PTPRZ1: variants seen among roughly 807,000 people sequenced by gnomAD.
PTPRZ1 encodes receptor-type tyrosine-protein phosphatase zeta.
A neutral mutation model predicts 214.1 loss-of-function variants in PTPRZ1; 82 were observed. The observed-to-expected ratio is 0.38, with a 90% confidence interval of 0.32 to 0.46. The LOEUF (loss-of-function observed/expected upper bound fraction) is 0.46. Ranked by LOEUF, PTPRZ1 falls within the 20% of genes least tolerant of loss-of-function variation. The pLI is 1.00. For synonymous variants in PTPRZ1, 945 were observed against 987.9 expected (o/e 0.96, Z 0.81); for missense variants, 2,603 against 2,748.7 (o/e 0.95, Z 1.19).
intron 12 of PTPRZ1, among the ~76,000 whole-genome samples, 172 bp downstream of exon 12, chr7:122,014,061 T>C (rs577111368): frequency 4.6e-5 from 7 of 152,346 alleles, no homozygotes; most frequent in Non-Finnish European, 1.0e-4. Context: ...TATTTATTAT[T>C]TCAAACAATT....
intron 2 of PTPRZ1, among the ~76,000 whole-genome samples, chr7:121,954,011 A>G: frequency 6.6e-6 from 1 of 152,040 alleles, no homozygotes; most frequent in Non-Finnish European, 1.5e-5. Context: ...CTCTGTCTCC[A>G]CCCCACAGCT....
At chr7:122,051,757 G>C (rs532735158) in intron 24 of PTPRZ1, 109 bp from the exon 25 acceptor site, 30 of 1,034,738 alleles carry the variant, frequency 2.9e-5, no homozygotes, top group Non-Finnish European at 4.0e-5. Flanking sequence ...GAAAAATGTA[G>C]CTATATTTTA....
At chr7:121,957,336 G>A (rs117185660) in intron 2 of PTPRZ1, among the ~76,000 whole-genome samples, 1,556 of 152,232 alleles carry the variant, frequency 0.01, 6 homozygotes, top group Non-Finnish European at 0.018. Context: ...GGCGATGGTG[G>A]TGGGATGTAG....
Position 122,010,678 on chromosome 7 carries a change from T to A in PTPRZ1, c.1632T>A (p.Thr544=). Residue 544 remains threonine (T), a synonymous_variant, in exon 12 of 30, where the codon ACT becomes ACA. Coordinates refer to ENST00000393386, the MANE Select transcript of PTPRZ1 (RefSeq NM_002851.3). ...CCTCTTTAAATGATGGCTCTAAAAC[T>A]GTTCTTAGATCTCCACATATGAACT... ...TSASLNDGSK[T]VLRSPHMNLS... 6.2e-7 allele frequency: 1 copy of A among 1,613,630 alleles called. No individual in the cohort carries two copies. Among genetic ancestry groups the A allele is most frequent in the Non-Finnish European group, 8.5e-7 (1 of 1,179,662 alleles).
Position 122,014,717 on chromosome 7 carries a change from C to A in PTPRZ1, c.4843+828C>A, listed in dbSNP as rs545995832. ...CCTCCCAAAATGTTGGGATTACAGG[C>A]GTGAGCCACTGCACCAGGCCAGGGA... On this transcript the variant is annotated intron_variant, in intron 12 of 29. Coordinates refer to ENST00000393386, the MANE Select transcript of PTPRZ1 (RefSeq NM_002851.3). Among the ~76,000 whole-genome samples, 57 of 152,220 alleles carry A rather than the reference C, an allele frequency of 3.7e-4. No individual in the cohort carries two copies. The East Asian group carries it at 8.7e-3, about 23-fold the overall frequency.
chr7:121,894,842 A>G (rs1446286540), intron 1 of PTPRZ1, among the ~76,000 whole-genome samples: 1 of 152,166 alleles, frequency 6.6e-6, no homozygotes, highest in Non-Finnish European at 1.5e-5. Context: ...ATTTGGGGGA[A>G]GGTGTATTAT....
intron 1 of PTPRZ1, among the ~76,000 whole-genome samples, chr7:121,918,679 T>C (rs1389995857): frequency 6.6e-6 from 1 of 152,128 alleles, no homozygotes; most frequent in Non-Finnish European, 1.5e-5. Context: ...ATAGACACTT[T>C]AAATTTTTTG....
intron 10 of PTPRZ1, among the ~76,000 whole-genome samples, chr7:122,002,404 G>A (rs1039497767): frequency 2.0e-5 from 3 of 152,084 alleles, no homozygotes; most frequent in Admixed American, 6.6e-5. Flanking sequence ...AGCCAAGGAG[G>A]CCCAAAGAAA....
chr7:122,033,025 A>G (rs968220926), intron 15 of PTPRZ1, among the ~76,000 whole-genome samples: 2 of 152,112 alleles, frequency 1.3e-5, no homozygotes, highest in African/African-American at 4.8e-5. Context: ...ATTACTGACA[A>G]CATATACAAA....
At chr7:122,018,662 G>A (rs139993049) in intron 12 of PTPRZ1, among the ~76,000 whole-genome samples, 6 of 152,082 alleles carry the variant, frequency 3.9e-5, no homozygotes, top group African/African-American at 9.6e-5. Flanking sequence ...TTTTCTTCAT[G>A]AAATTATTAA....
intron 13 of PTPRZ1, among the ~76,000 whole-genome samples, chr7:122,023,615 TTATA>T (rs981056155): frequency 2.3e-5 from 3 of 131,654 alleles, no homozygotes; most frequent in Non-Finnish European, 4.7e-5. Context: ...TTATATATAA[TTATA>T]TATATTATAT....
intron 2 of PTPRZ1, among the ~76,000 whole-genome samples, chr7:121,943,290 C>A (rs1315891384): frequency 6.6e-6 from 1 of 152,140 alleles, no homozygotes; most frequent in African/African-American, 2.4e-5. Context: ...GTCAAATGAG[C>A]AATCACAATG....
intron 10 of PTPRZ1, among the ~76,000 whole-genome samples, chr7:122,002,283 A>C (rs1280080621): frequency 1.3e-5 from 2 of 152,228 alleles, no homozygotes; most frequent in Non-Finnish European, 2.9e-5. Flanking sequence ...ACCAGAATAA[A>C]GAGCCTTCAA....
chr7:121,881,679 G>A (rs979643902), intron 1 of PTPRZ1, among the ~76,000 whole-genome samples: 1 of 152,130 alleles, frequency 6.6e-6, no homozygotes, highest in Non-Finnish European at 1.5e-5. Flanking sequence ...AGTAACCCTA[G>A]AAGGAGGAGT....
chr7:121,996,440 T>A lies in PTPRZ1; in HGVS notation c.987T>A (p.Leu329=), dbSNP rs1263178239. Residue 329 remains leucine (L), a synonymous_variant, in exon 9 of 30, where the codon CTT becomes CTA. Coordinates refer to ENST00000393386, the MANE Select transcript of PTPRZ1 (RefSeq NM_002851.3). Reference sequence around the variant, plus strand: ...ACCCAGAGAATTATACCAGCCTTCTTGTTACATGGGAAAGACCTCGAGTCG... The same window carrying A: ...ACCCAGAGAATTATACCAGCCTTCTAGTTACATGGGAAAGACCTCGAGTCG... ...QADPENYTSL[L]VTWERPRVVY... is the part of the protein sequence containing the mutation. 6.2e-7 allele frequency: 1 copy of A among 1,613,326 alleles called. No individual in the cohort carries two copies. The highest frequency in any genetic ancestry group is 8.5e-7 in the Non-Finnish European group (1 of 1,179,560).
chr7:121,945,996 CCTT>C (rs1796361160), intron 2 of PTPRZ1, among the ~76,000 whole-genome samples: 1 of 152,128 alleles, frequency 6.6e-6, no homozygotes, highest in Non-Finnish European at 1.5e-5. Flanking sequence ...GTGTAAATCT[CCTT>C]CACTCATTAA....
intron 13 of PTPRZ1, among the ~76,000 whole-genome samples, chr7:122,027,582 GT>G (rs2116710478): frequency 6.6e-6 from 1 of 152,266 alleles, no homozygotes; most frequent in African/African-American, 2.4e-5. Flanking sequence ...CAGAATTCAA[GT>G]GTTTCAATTT....
chr7:121,933,552 T>C (rs1795987095), intron 2 of PTPRZ1, among the ~76,000 whole-genome samples: 1 of 152,186 alleles, frequency 6.6e-6, no homozygotes, highest in Non-Finnish European at 1.5e-5. Flanking sequence ...AAGTCTGTTA[T>C]ACCTCGCTGG....
chr7:122,007,821 G>T (rs965721232), intron 11 of PTPRZ1, among the ~76,000 whole-genome samples: 8 of 152,068 alleles, frequency 5.3e-5, no homozygotes, highest in South Asian at 2.1e-4. Flanking sequence ...ACTCTATAAA[G>T]AAATTGTAGG....
Sources: allele counts gnomAD v4.1 joint callset (sites outside exome capture counted in the v4.1 genomes callset), GRCh38; gene constraint gnomAD v4.1.1; transcripts MANE v1.5; gene names NCBI Gene and HGNC (gene_info 2026-07-23, HGNC 2026-07-21).